The following KCNMA1 variants were observed in gnomAD, a reference collection of about 807,000 sequenced individuals.
The protein encoded by KCNMA1 is Calcium-activated potassium channel subunit alpha-1.
KCNMA1 carries 29 observed loss-of-function variants against 140.0 expected under a neutral mutation model. That is an observed-to-expected ratio of 0.21 (90% CI 0.15 to 0.28). The LOEUF (loss-of-function observed/expected upper bound fraction) is 0.28, where lower values mean the gene tolerates loss of function less well. KCNMA1 is among the 10% of genes least tolerant of loss of function. The pLI is 1.00. For synonymous variants in KCNMA1, 612 were observed against 611.9 expected, an observed-to-expected ratio of 1.00 and a Z score of 0.00; for missense variants, 880 against 1,602.2, an observed-to-expected ratio of 0.55 and a Z score of 7.70.
chr10:77,296,462 A>G (rs1319047541), intron 2 of KCNMA1, among the ~76,000 whole-genome samples: 1 of 152,188 alleles, frequency 6.6e-6, no homozygotes, highest in Admixed American at 6.5e-5. Flanking sequence ...AGTTTGTGGT[A>G]ATTTGTTACA....
chr10:77,544,641 T>C (rs866519613), intron 1 of KCNMA1, among the ~76,000 whole-genome samples: 2 of 152,220 alleles, frequency 1.3e-5, no homozygotes, highest in Non-Finnish European at 2.9e-5. Context: ...AGCAACTCTA[T>C]GAAGGTATGA....
At chr10:77,553,151 G>A (rs2063276770) in intron 1 of KCNMA1, among the ~76,000 whole-genome samples, 1 of 152,218 alleles carries the variant, frequency 6.6e-6, no homozygotes, top group South Asian at 2.1e-4. Context: ...TAACATTTTA[G>A]TGATGAAATA....
Position 77,108,611 on chromosome 10 carries a change from G to A in KCNMA1, c.1132-39C>T. On this transcript the variant is annotated intron_variant, in intron 8 of 27. Transcript: ENST00000286628. The surrounding 1 kb of genome is among the most constrained non-coding windows in gnomAD (Gnocchi z 4.6). ...AGACAGAAGAGAGACTAAAAAGACA[G>A]GCCAAAGAAAAGGGGGGACCTGTTC... The A allele has an allele frequency of 1.3e-6, 2 of 1,520,332 alleles. No individual in the cohort carries two copies. The highest frequency in any genetic ancestry group is 1.8e-6 in the Non-Finnish European group (2 of 1,097,598). The allele number at this position is 1,520,332 out of a possible 1,614,324, so 94.2% of individuals were successfully genotyped here.
At chr10:77,335,256 C>T (rs192639514) in intron 2 of KCNMA1, among the ~76,000 whole-genome samples, 27 of 152,324 alleles carry the variant, frequency 1.8e-4, no homozygotes, top group African/African-American at 6.5e-4. Context: ...TGGGCTTACC[C>T]ACTGAGAGTC....
chr10:77,531,823 C>T (rs2057699142), intron 1 of KCNMA1, among the ~76,000 whole-genome samples: 2 of 152,216 alleles, frequency 1.3e-5, no homozygotes, highest in African/African-American at 4.8e-5. Flanking sequence ...AAGAAAGAGG[C>T]AACAAGGGAC....
At chr10:77,270,968 A>T (rs1026128707) in intron 2 of KCNMA1, among the ~76,000 whole-genome samples, 4 of 152,306 alleles carry the variant, frequency 2.6e-5, no homozygotes, top group Non-Finnish European at 4.4e-5. Context: ...TATATCCAGA[A>T]TATTTTTACT....
At chr10:77,116,650 T>C (rs2097477649) in intron 6 of KCNMA1, among the ~76,000 whole-genome samples, 1 of 151,974 alleles carries the variant, frequency 6.6e-6, no homozygotes, top group Non-Finnish European at 1.5e-5. Context: ...ACAACATGAG[T>C]GGAACAAAGT....
At chr10:77,103,403 A>T (rs1305302033) in intron 9 of KCNMA1, among the ~76,000 whole-genome samples, 1 of 152,176 alleles carries the variant, frequency 6.6e-6, no homozygotes, top group Non-Finnish European at 1.5e-5. Flanking sequence ...GTGGGGCTCT[A>T]CTGTGCCTTT....
intron 1 of KCNMA1, among the ~76,000 whole-genome samples, chr10:77,414,213 C>T (rs901226890): frequency 6.6e-6 from 1 of 152,178 alleles, no homozygotes; most frequent in African/African-American, 2.4e-5. Flanking sequence ...ATTGTTAAGT[C>T]CCTTACTTTG....
chr10:76,969,303 A>AAGGAAGGAAGGAAGGAAGGG (rs1565261705), intron 20 of KCNMA1, among the ~76,000 whole-genome samples: 4 of 147,780 alleles, frequency 2.7e-5, no homozygotes, highest in African/African-American at 5.0e-5. Context: ...GGAAGGAGGG[A>AAGGAAGGAAGGAAGGAAGGG]AGGAAGGAAG....
intron 15 of KCNMA1, among the ~76,000 whole-genome samples, chr10:77,034,715 C>T (rs536204150): frequency 6.6e-6 from 1 of 152,250 alleles, no homozygotes; most frequent in South Asian, 2.1e-4. Flanking sequence ...ATTGGAGTTC[C>T]CCAAGTTCCC....
At chr10:77,581,474 T>A (rs1233778044) in intron 1 of KCNMA1, among the ~76,000 whole-genome samples, 2 of 152,094 alleles carry the variant, frequency 1.3e-5, no homozygotes, top group South Asian at 4.1e-4. Context: ...CCTGTTTAAT[T>A]TTTTGTATTT....
chr10:76,970,252 G>A, intron 19 of KCNMA1, 185 bp from the exon 20 acceptor site: 2 of 634,414 alleles, frequency 3.2e-6, no homozygotes, highest in Non-Finnish European at 5.8e-6. Flanking sequence ...GAAGGTGAAG[G>A]CAACACCTCT....
chr10:77,580,873 T>G (rs1336453062), intron 1 of KCNMA1, among the ~76,000 whole-genome samples: 1 of 152,212 alleles, frequency 6.6e-6, no homozygotes, highest in East Asian at 1.9e-4. Context: ...CCTTACCATG[T>G]GGCCCAATAC....
intron 2 of KCNMA1, among the ~76,000 whole-genome samples, chr10:77,366,102 T>A (rs929886404): frequency 6.7e-6 from 1 of 148,702 alleles, no homozygotes; most frequent in Non-Finnish European, 1.5e-5. Context: ...GTACTATGCA[T>A]GTTCTTTCTT....
rs555522362 is a variant in KCNMA1, at chr10:77,634,608, G to A, written c.378+2657C>T. On this transcript the variant is annotated intron_variant, in intron 1 of 27. Transcript: ENST00000286628. The stretch of plus-strand genomic sequence containing the variant: ...TCAAACCATCTTGGGGCTGAAGGAG[G>A]GTGAGGGTGAACCCATCTGAGGGCT... 716 of 985,216 alleles carry A rather than the reference G, an allele frequency of 7.3e-4. 1 individual carries two copies. Among genetic ancestry groups the A allele is most frequent in the Middle Eastern group, 1.6e-3 (3 of 1,914 alleles). 61.0% of individuals were successfully genotyped at this position (985,216 alleles called of 1,614,324 possible).
chr10:77,066,277 G>A (rs2095943725), intron 14 of KCNMA1, among the ~76,000 whole-genome samples: 1 of 152,146 alleles, frequency 6.6e-6, no homozygotes, highest in Non-Finnish European at 1.5e-5. Flanking sequence ...AGGAGTGCAG[G>A]TGGTGAGAAG....
intron 12 of KCNMA1, among the ~76,000 whole-genome samples, chr10:77,082,002 CTTTTCTTTTTTTTTTTTTTTTTT>C (rs1341339752): frequency 0.021 from 1,068 of 51,712 alleles, 52 homozygotes; most frequent in African/African-American, 0.056. Flanking sequence ...TTCTTTTTTT[CTTTTCTTTTTTTTTTTTTTTTTT>C]TTTTTTTTTT....
intron 1 of KCNMA1, among the ~76,000 whole-genome samples, chr10:77,584,468 C>T (rs1475692797): frequency 6.6e-6 from 1 of 152,196 alleles, no homozygotes; most frequent in Non-Finnish European, 1.5e-5. Context: ...AATTCTCCTG[C>T]CTCAGCCTCC....
Sources: gnomAD v4.1 joint callset for allele counts (sites outside exome capture counted in the v4.1 genomes callset) on GRCh38, gnomAD v4.1.1 for gene constraint, Gnocchi (gnomAD v3.1) non-coding constraint, MANE v1.5 for transcripts, NCBI Gene and HGNC (gene_info 2026-07-23, HGNC 2026-07-21) for gene names.